The following UBR3 variants were observed in gnomAD, a reference collection of about 807,000 sequenced individuals.
UBR3 encodes ubiquitin protein ligase E3 component n-recognin 3.
A neutral mutation model predicts 243.2 loss-of-function variants in UBR3; 85 were observed. That is an observed-to-expected ratio of 0.35 (90% CI 0.29 to 0.42). The LOEUF (loss-of-function observed/expected upper bound fraction) is 0.42. Ranked by LOEUF, UBR3 falls within the 10% of genes least tolerant of loss-of-function variation. The pLI is 1.00. For synonymous variants in UBR3, 748 were observed against 799.8 expected (o/e 0.94, Z 1.09); for missense variants, 1,686 against 2,300.8 (o/e 0.73, Z 5.47).
intron 1 of UBR3, among the ~76,000 whole-genome samples, chr2:169,838,389 G>T (rs1218258823): frequency 8.6e-4 from 2 of 2,328 alleles, no homozygotes; most frequent in Non-Finnish European, 1.4e-3. Flanking sequence ...TAAGGCATTT[G>T]TGTGTGTGTG....
intron 1 of UBR3, among the ~76,000 whole-genome samples, chr2:169,851,940 CTT>C (rs1559020060): frequency 6.6e-6 from 1 of 151,924 alleles, no homozygotes; most frequent in Non-Finnish European, 1.5e-5. Context: ...GTGAACTACT[CTT>C]TTGCTTACTG....
chr2:170,000,001 C>T (rs1395160694), intron 26 of UBR3, among the ~76,000 whole-genome samples: 1 of 152,040 alleles, frequency 6.6e-6, no homozygotes, highest in Admixed American at 6.5e-5. Context: ...TGGCACATGC[C>T]TGTAATCCCA....
At chr2:170,065,449 A>G (rs1385001703) in intron 35 of UBR3, among the ~76,000 whole-genome samples, 1 of 151,716 alleles carries the variant, frequency 6.6e-6, no homozygotes, top group East Asian at 1.9e-4. Flanking sequence ...ACCGCACCCG[A>G]CTAGTTTTTT....
chr2:169,830,838 AG>A (rs1295523457), intron 1 of UBR3, among the ~76,000 whole-genome samples: 1 of 151,922 alleles, frequency 6.6e-6, no homozygotes, highest in Non-Finnish European at 1.5e-5. Context: ...GAGAACCTGA[AG>A]GTAGGAAATA....
At chr2:169,975,133 G>C (rs2088366689) in intron 24 of UBR3, among the ~76,000 whole-genome samples, 1 of 152,136 alleles carries the variant, frequency 6.6e-6, no homozygotes, top group Non-Finnish European at 1.5e-5. Context: ...TCATGCCACT[G>C]TACTCCAGCC....
chr2:170,080,462 T>G, intron 37 of UBR3, 83 bp from the exon 38 acceptor site: 1 of 1,308,230 alleles, frequency 7.6e-7, no homozygotes, highest in Non-Finnish European at 1.0e-6. Context: ...CACTGTATTA[T>G]TTAGAAGGCA....
At chr2:169,957,221 T>C (rs887754955) in intron 23 of UBR3, among the ~76,000 whole-genome samples, 2 of 152,194 alleles carry the variant, frequency 1.3e-5, no homozygotes, top group Admixed American at 6.5e-5. Flanking sequence ...CTTTCTTTAT[T>C]AGTTGACTTA....
intron 19 of UBR3, among the ~76,000 whole-genome samples, chr2:169,935,340 A>G (rs921456874): frequency 2.6e-5 from 4 of 152,024 alleles, no homozygotes; most frequent in Non-Finnish European, 5.9e-5. Flanking sequence ...TAATTGTTTA[A>G]AAGTGTTTTG....
chr2:169,834,344 A>G (rs2082022107), intron 1 of UBR3, among the ~76,000 whole-genome samples: 1 of 152,204 alleles, frequency 6.6e-6, no homozygotes, highest in Non-Finnish European at 1.5e-5. Context: ...AATTGTTTCC[A>G]GACTTGGGCT....
At chr2:170,037,054 C>T (rs1321189922) in intron 31 of UBR3, among the ~76,000 whole-genome samples, 2 of 152,090 alleles carry the variant, frequency 1.3e-5, no homozygotes, top group Non-Finnish European at 2.9e-5. Context: ...ACTTGGAATT[C>T]ATTCTCACCT....
intron 19 of UBR3, among the ~76,000 whole-genome samples, chr2:169,938,892 G>A (rs915749746): frequency 1.6e-4 from 25 of 152,018 alleles, no homozygotes; most frequent in Non-Finnish European, 1.8e-4. Flanking sequence ...GTTCCTTTGA[G>A]TTTTAATAGA....
chr2:169,848,127 G>C (rs904742594), intron 1 of UBR3, among the ~76,000 whole-genome samples: 1 of 152,124 alleles, frequency 6.6e-6, no homozygotes, highest in African/African-American at 2.4e-5. Flanking sequence ...CACGTCACTT[G>C]CTTCCCATCT....
chr2:170,009,014 TTTTA>T (rs904908542), intron 29 of UBR3, 74 bp downstream of exon 29: 69 of 1,028,992 alleles, frequency 6.7e-5, no homozygotes, highest in Non-Finnish European at 8.6e-5. Flanking sequence ...TAAATATTTG[TTTTA>T]TTTATTTAAA....
At chr2:169,993,952 C>G (rs975217816) in intron 25 of UBR3, among the ~76,000 whole-genome samples, 1 of 152,116 alleles carries the variant, frequency 6.6e-6, no homozygotes, top group Non-Finnish European at 1.5e-5. Flanking sequence ...ACCCCGGACT[C>G]AGCTCTTTCT....
chr2:170,067,800 C>G (rs1215310830), intron 35 of UBR3, among the ~76,000 whole-genome samples: 3 of 141,012 alleles, frequency 2.1e-5, no homozygotes, highest in Non-Finnish European at 4.6e-5. Flanking sequence ...GAGACAGTTT[C>G]CCTCTGTTGC....
At chr2:169,885,892 G>A (rs2084074848) in intron 5 of UBR3, among the ~76,000 whole-genome samples, 2 of 152,132 alleles carry the variant, frequency 1.3e-5, no homozygotes, top group African/African-American at 4.8e-5. Context: ...GGGTGCAGTG[G>A]CTCATGCCTG....
intron 27 of UBR3, among the ~76,000 whole-genome samples, chr2:170,004,317 T>C (rs903215295): frequency 6.6e-6 from 1 of 152,126 alleles, no homozygotes; most frequent in African/African-American, 2.4e-5. Context: ...CACTGAAAGA[T>C]TTTGATTGGA....
chr2:170,017,468 CTT>C (rs535184368), intron 30 of UBR3, among the ~76,000 whole-genome samples: 23 of 150,720 alleles, frequency 1.5e-4, no homozygotes, highest in Admixed American at 1.3e-3. Flanking sequence ...GTCAAGAAAA[CTT>C]TTAATAAATT....
At chr2:169,849,298 C>T (rs200761630) in intron 1 of UBR3, among the ~76,000 whole-genome samples, 2 of 152,220 alleles carry the variant, frequency 1.3e-5, no homozygotes, top group Admixed American at 6.5e-5. Flanking sequence ...CAATAACTAA[C>T]ATATAGGAAT....
Sources: allele counts gnomAD v4.1 joint callset (sites outside exome capture counted in the v4.1 genomes callset), GRCh38; gene constraint gnomAD v4.1.1; transcripts MANE v1.5; gene names NCBI Gene and HGNC (gene_info 2026-07-23, HGNC 2026-07-21).